Variants in PPM1L observed in about 807,000 individuals in gnomAD.
The protein encoded by PPM1L is protein phosphatase 1L.
Under a neutral mutation model 31.4 loss-of-function variants are expected in PPM1L, and 13 were observed. That is an observed-to-expected ratio of 0.41 (90% confidence interval 0.27 to 0.66). PPM1L has a LOEUF of 0.66. PPM1L is among the 30% of genes least tolerant of loss of function. The pLI, the probability that PPM1L is intolerant of heterozygous loss-of-function variation, is 0.29. For missense variants in PPM1L, 326 were observed against 453.7 expected, an observed-to-expected ratio of 0.72 and a Z score of 2.56; for synonymous variants, 184 against 175.4, an observed-to-expected ratio of 1.05 and a Z score of -0.39.
At chr3:160,794,140 C>T (rs1230703728) in intron 1 of PPM1L, among the ~76,000 whole-genome samples, 1 of 152,102 alleles carries the variant, frequency 6.6e-6, no homozygotes, top group Non-Finnish European at 1.5e-5. Context: ...TTATCTAGGG[C>T]CTCTTTAACA....
intron 3 of PPM1L, 99 bp downstream of exon 3, chr3:161,065,663 A>C (rs560313871): frequency 7.5e-5 from 81 of 1,073,838 alleles, no homozygotes; most frequent in Non-Finnish European, 1.0e-4. Context: ...GTTATGCAGT[A>C]TTAGAGAGGC....
At chr3:160,879,854 A>C (rs1207373432) in intron 1 of PPM1L, among the ~76,000 whole-genome samples, 1 of 152,180 alleles carries the variant, frequency 6.6e-6, no homozygotes, top group Non-Finnish European at 1.5e-5. Context: ...CCAGTCTCTC[A>C]CAGTGATACA....
intron 2 of PPM1L, among the ~76,000 whole-genome samples, chr3:161,047,886 G>A (rs1211527347): frequency 1.3e-5 from 2 of 152,214 alleles, no homozygotes; most frequent in African/African-American, 4.8e-5. Context: ...CTAGCCATAT[G>A]TAGAAAGCTG....
intron 1 of PPM1L, among the ~76,000 whole-genome samples, chr3:160,951,923 A>G (rs376113786): frequency 5.3e-4 from 81 of 152,250 alleles, no homozygotes; most frequent in African/African-American, 1.8e-3. Flanking sequence ...GCAATCTTAA[A>G]TCTCTGTAAT....
At chr3:160,868,589 G>A (rs1380033388) in intron 1 of PPM1L, among the ~76,000 whole-genome samples, 2 of 152,020 alleles carry the variant, frequency 1.3e-5, no homozygotes, top group African/African-American at 4.8e-5. Context: ...GGGGGCTATT[G>A]TTTCATTGTC....
At chr3:160,927,606 A>ATG (rs141545778) in intron 1 of PPM1L, among the ~76,000 whole-genome samples, 5,764 of 148,266 alleles carry the variant, frequency 0.039, 204 homozygotes, top group African/African-American at 0.096. Context: ...TCATTTCCCT[A>ATG]TGTGTGTGTG....
rs536000731 is a variant in PPM1L at position 160,891,632 on chromosome 3, C to A, written c.400-70104C>A. On this transcript the variant is annotated intron_variant, in intron 1 of 3. Transcript: ENST00000498165. The stretch of plus-strand genomic sequence containing the variant: ...GAACCAGAAATACCATTTGACCCAG[C>A]AATCCCATTACTGGGTATATACCCA... 3.3e-5 allele frequency among the ~76,000 whole-genome samples: 5 copies of A among 152,288 alleles called. No homozygotes were observed. The East Asian group carries it at 9.7e-4, about 29-fold the overall frequency.
chr3:160,813,318 TA>T (rs1009356440), intron 1 of PPM1L, among the ~76,000 whole-genome samples: 14 of 152,246 alleles, frequency 9.2e-5, no homozygotes, highest in African/African-American at 2.6e-4. Context: ...TTTTCAAGTT[TA>T]AAAAAATATG....
At chr3:161,045,803 C>CA (rs1305675412) in intron 2 of PPM1L, among the ~76,000 whole-genome samples, 5 of 151,936 alleles carry the variant, frequency 3.3e-5, no homozygotes, top group Admixed American at 2.6e-4. Flanking sequence ...GATAGAGACA[C>CA]AAAAAACCCT....
At chr3:160,812,355 A>G (rs55891037) in intron 1 of PPM1L, among the ~76,000 whole-genome samples, 13,926 of 152,156 alleles carry the variant, frequency 0.092, 971 homozygotes, top group African/African-American at 0.19. Flanking sequence ...TAGACAAGGG[A>G]TTTAAACCAT....
At chr3:160,867,770 A>G (rs1198358309) in intron 1 of PPM1L, among the ~76,000 whole-genome samples, 1 of 152,212 alleles carries the variant, frequency 6.6e-6, no homozygotes, top group African/African-American at 2.4e-5. Flanking sequence ...GCATGGTATC[A>G]TTGTAAAGGT....
At chr3:160,947,888 T>C (rs1039036467) in intron 1 of PPM1L, among the ~76,000 whole-genome samples, 1 of 152,154 alleles carries the variant, frequency 6.6e-6, no homozygotes. Flanking sequence ...GTAAAAAATA[T>C]TATTTCCATA....
intron 1 of PPM1L, among the ~76,000 whole-genome samples, chr3:160,952,426 G>T (rs532306450): frequency 6.6e-6 from 1 of 152,248 alleles, no homozygotes; most frequent in African/African-American, 2.4e-5. Context: ...CTTCTTTCTT[G>T]CTCTGGTGTG....
intron 1 of PPM1L, among the ~76,000 whole-genome samples, chr3:160,804,975 G>A (rs1712553457): frequency 6.6e-6 from 1 of 152,162 alleles, no homozygotes; most frequent in Admixed American, 6.5e-5. Context: ...ATGGAGGAAG[G>A]GAAATACTCT....
intron 2 of PPM1L, among the ~76,000 whole-genome samples, chr3:161,002,106 C>G (rs770133240): frequency 2.0e-5 from 3 of 151,448 alleles, no homozygotes; most frequent in African/African-American, 7.3e-5. Context: ...TGTGTTCTTG[C>G]GATAGTTTAC....
intron 1 of PPM1L, among the ~76,000 whole-genome samples, chr3:160,904,317 A>G (rs958165319): frequency 1.3e-5 from 2 of 152,304 alleles, no homozygotes; most frequent in East Asian, 3.9e-4. Flanking sequence ...AGCATATATG[A>G]TGTTCTTTCA....
intron 1 of PPM1L, among the ~76,000 whole-genome samples, chr3:160,766,903 A>C (rs1041075211): frequency 6.8e-6 from 1 of 147,534 alleles, no homozygotes; most frequent in Non-Finnish European, 1.5e-5. Flanking sequence ...CCTAGAAGAC[A>C]AGAGAGTTCC....
At chr3:160,885,786 A>T (rs1410922180) in intron 1 of PPM1L, among the ~76,000 whole-genome samples, 1 of 152,230 alleles carries the variant, frequency 6.6e-6, no homozygotes, top group Non-Finnish European at 1.5e-5. Flanking sequence ...AGCTGCGCAG[A>T]TTCTCAACAG....
intron 1 of PPM1L, among the ~76,000 whole-genome samples, chr3:160,856,121 C>A (rs1187931113): frequency 6.6e-6 from 1 of 152,004 alleles, no homozygotes; most frequent in African/African-American, 2.4e-5. Flanking sequence ...TGTTCCTCTG[C>A]CGGCTTTTAT....
Sources: gnomAD v4.1 joint callset for allele counts (sites outside exome capture counted in the v4.1 genomes callset) on GRCh38, gnomAD v4.1.1 for gene constraint, MANE v1.5 for transcripts, NCBI Gene and HGNC (gene_info 2026-07-23, HGNC 2026-07-21) for gene names.